The following CFAP45 variants were observed in gnomAD, a reference collection of about 807,000 sequenced individuals.
The protein encoded by CFAP45 is cilia and flagella associated protein 45.
A neutral mutation model predicts 75.6 loss-of-function variants in CFAP45; 43 were observed. The ratio of observed to expected loss-of-function variants is 0.57; its 90% CI spans 0.45 to 0.73. The LOEUF (loss-of-function observed/expected upper bound fraction) is 0.73, where lower values mean the gene tolerates loss of function less well. Ranked by LOEUF, CFAP45 falls within the 30% of genes least tolerant of loss-of-function variation. The pLI, the probability that CFAP45 is intolerant of heterozygous loss-of-function variation, is 0.00. For synonymous variants in CFAP45, 223 were observed against 244.6 expected, an observed-to-expected ratio of 0.91 and a Z score of 0.82; for missense variants, 689 against 701.5, an observed-to-expected ratio of 0.98 and a Z score of 0.20.
At chr1:159,885,410 A>G (rs1649654266) in intron 6 of CFAP45, among the ~76,000 whole-genome samples, 1 of 152,214 alleles carries the variant, frequency 6.6e-6, no homozygotes, top group African/African-American at 2.4e-5. Flanking sequence ...TACACAAGAC[A>G]CAGAGATGAA....
At chr1:159,884,587 G>C (rs753856046) in intron 6 of CFAP45, 22 bp from the exon 7 acceptor site, 4 of 1,610,224 alleles carry the variant, frequency 2.5e-6, no homozygotes, top group Non-Finnish European at 2.5e-6. Flanking sequence ...CAGTGCCACA[G>C]TGTCTTAGAA....
chr1:159,874,424 C>T (rs1376774609), intron 10 of CFAP45, among the ~76,000 whole-genome samples: 1 of 152,242 alleles, frequency 6.6e-6, no homozygotes. Context: ...TCTACAGAGA[C>T]TTCCCAGTTT....
At chr1:159,883,416 A>G (rs562055079) in intron 7 of CFAP45, among the ~76,000 whole-genome samples, 8 of 152,312 alleles carry the variant, frequency 5.3e-5, no homozygotes, top group Non-Finnish European at 1.0e-4. Flanking sequence ...CCAGAAATAC[A>G]TATTTGGAAC....
intron 7 of CFAP45, 92 bp downstream of exon 7, chr1:159,884,341 GGCA>G: frequency 7.6e-7 from 1 of 1,307,976 alleles, no homozygotes; most frequent in South Asian, 1.6e-5. Flanking sequence ...GCATGTGCCT[GGCA>G]GAAAATCAGT....
chr1:159,892,062 A>C (rs552011897), intron 2 of CFAP45, among the ~76,000 whole-genome samples: 1 of 152,162 alleles, frequency 6.6e-6, no homozygotes, highest in South Asian at 2.1e-4. Context: ...CGAGGTGGGC[A>C]GATTGCTTGA....
chr1:159,882,781 T>C (rs1186718139), intron 7 of CFAP45, among the ~76,000 whole-genome samples: 2 of 152,176 alleles, frequency 1.3e-5, no homozygotes, highest in African/African-American at 4.8e-5. Flanking sequence ...TCTAGTTGGA[T>C]TTTCCTGCCC....
chr1:159,879,794 T>C (rs1463411735), intron 8 of CFAP45, among the ~76,000 whole-genome samples: 1 of 152,218 alleles, frequency 6.6e-6, no homozygotes, highest in African/African-American at 2.4e-5. Flanking sequence ...CATAGAGAAG[T>C]ACAATGTGTT....
intron 4 of CFAP45, 47 bp from the exon 5 acceptor site, chr1:159,888,058 T>C: frequency 6.3e-7 from 1 of 1,579,356 alleles, no homozygotes. Context: ...TCATGCGCTC[T>C]GTGCCCTGGG....
At chr1:159,900,028 C>T (rs768537900) in intron 1 of CFAP45, 68 bp downstream of exon 1, 1 of 1,595,352 alleles carries the variant, frequency 6.3e-7, no homozygotes, top group Admixed American at 1.7e-5. Flanking sequence ...CCCTAGGCCC[C>T]CACTTTCCCC....
intron 11 of CFAP45, 134 bp downstream of exon 11, chr1:159,872,810 G>A: frequency 1.1e-6 from 1 of 904,682 alleles, no homozygotes; most frequent in South Asian, 1.6e-5. Flanking sequence ...ATGAGCCCTG[G>A]GTGGGGAGAA....
chr1:159,872,523 G>A lies in CFAP45; in HGVS notation c.1618C>T (p.Arg540Cys), dbSNP rs750232207. The A allele has an allele frequency of 2.5e-5, 41 of 1,614,030 alleles. No individual in the cohort carries two copies. The highest frequency in any genetic ancestry group is 4.0e-5 in the African/African-American group (3 of 74,920). ...LPEKYCIEAERKANILPATSV... is the reference protein window; with the variant it reads ...LPEKYCIEAECKANILPATSV... ...GTAGCTGGCAGGATGTTAGCTTTGCGCTCAGCTTCAATGCAGTACTTCTCG... is the reference window on the plus strand; with the variant it reads ...GTAGCTGGCAGGATGTTAGCTTTGCACTCAGCTTCAATGCAGTACTTCTCG... Residue 540 changes from arginine (R) to cysteine (C), a missense_variant, in exon 12 of 12, where the codon CGC (arginine) becomes TGC (cysteine). Transcript: ENST00000368099.
intron 8 of CFAP45, among the ~76,000 whole-genome samples, chr1:159,877,815 T>C (rs776530249): frequency 6.6e-5 from 10 of 152,042 alleles, no homozygotes; most frequent in Non-Finnish European, 1.2e-4. Flanking sequence ...AAGTCGAGGA[T>C]GCAGTGAATC....
intron 7 of CFAP45, among the ~76,000 whole-genome samples, chr1:159,883,760 T>A (rs1465240550): frequency 6.6e-6 from 1 of 151,900 alleles, no homozygotes; most frequent in Admixed American, 6.5e-5. Flanking sequence ...CTTTTCTGTG[T>A]GTGCAAAATT....
In CFAP45 at chr1:159,887,605, A is replaced by G. The variant is rs542046063; in HGVS notation, c.588+236T>C. 2.0e-5 allele frequency among the ~76,000 whole-genome samples: 3 copies of G among 152,330 alleles called. No individual in the cohort carries two copies. The South Asian group carries it at 6.2e-4, about 32-fold the overall frequency. Reference sequence around the variant, plus strand: ...GTAGTTTTACCACCCTCAAGTTACAAATGAAGAAAGTGAGGCTCAGGGAGG... The same window carrying G: ...GTAGTTTTACCACCCTCAAGTTACAGATGAAGAAAGTGAGGCTCAGGGAGG... On this transcript the variant is annotated intron_variant, in intron 5 of 11. Transcript: ENST00000368099.
intron 8 of CFAP45, among the ~76,000 whole-genome samples, chr1:159,878,781 A>AAAAAAAAAAAAAAAAAAAAAC (rs1557911766): frequency 1.4e-5 from 2 of 142,424 alleles, no homozygotes; most frequent in African/African-American, 5.3e-5. Context: ...AAAAAAAAAA[A>AAAAAAAAAAAAAAAAAAAAAC]ACCTTCCTTG....
intron 9 of CFAP45, among the ~76,000 whole-genome samples, 198 bp from the exon 10 acceptor site, chr1:159,876,947 G>A (rs1316752159): frequency 6.6e-6 from 1 of 152,116 alleles, no homozygotes; most frequent in Admixed American, 6.5e-5. Context: ...ATAACCTGAG[G>A]GGTCATCTTG....
rs769547313 is a variant in CFAP45 at position 159,888,384 on chromosome 1, G to T, written c.385C>A (p.Gln129Lys). ...GCTTCCTTCTCCTTCTTGAAGGCCTGGTCCCTGGCCTCAAGTTCTTCTCTG... is the reference window on the plus strand; with the variant it reads ...GCTTCCTTCTCCTTCTTGAAGGCCTTGTCCCTGGCCTCAAGTTCTTCTCTG... ...LTREELEARDQAFKKEKEATM... is the reference protein window; with the variant it reads ...LTREELEARDKAFKKEKEATM... The change falls in exon 4 of 12, where the codon CAG becomes AAG. Residue 129 changes from glutamine to lysine, a missense_variant. By Grantham distance (53) the Gln-to-Lys change is moderately conservative. Transcript: ENST00000368099. The T allele has an allele frequency of 5.0e-6, 8 of 1,613,804 alleles. No homozygotes were observed. The South Asian group carries it at 7.7e-5, about 16-fold the overall frequency.
At chr1:159,887,619 G>A (rs1420512960) in intron 5 of CFAP45, among the ~76,000 whole-genome samples, 1 of 152,232 alleles carries the variant, frequency 6.6e-6, no homozygotes, top group Non-Finnish European at 1.5e-5. Flanking sequence ...AAGAAAGTGA[G>A]GCTCAGGGAG....
chr1:159,880,516 C>A (rs1649524487), intron 8 of CFAP45, 38 bp downstream of exon 8: 2 of 1,596,322 alleles, frequency 1.3e-6, no homozygotes, highest in Non-Finnish European at 1.7e-6. Context: ...GACAGACATT[C>A]CATTCCTAAC....
Sources: gnomAD v4.1 joint callset for allele counts (sites outside exome capture counted in the v4.1 genomes callset) on GRCh38, gnomAD v4.1.1 for gene constraint, MANE v1.5 for transcripts, NCBI Gene and HGNC (gene_info 2026-07-23, HGNC 2026-07-21) for gene names.